The following TAFA1 variants were observed in gnomAD, a reference collection of about 807,000 sequenced individuals.
TAFA1 encodes TAFA chemokine like family member 1, also known as chemokine-like protein TAFA-1.
In TAFA1, 4 loss-of-function variants were observed where a neutral mutation model predicts 18.5. The observed-to-expected ratio is 0.22, with a 90% confidence interval of 0.11 to 0.49. The LOEUF (loss-of-function observed/expected upper bound fraction) is 0.49. TAFA1 is among the 20% of genes least tolerant of loss of function. The pLI, the probability that TAFA1 is intolerant of heterozygous loss-of-function variation, is 0.98. For synonymous variants in TAFA1, 56 were observed against 55.2 expected (o/e 1.01, Z -0.06); for missense variants, 147 against 169.0 (o/e 0.87, Z 0.72).
At chr3:68,013,154 T>C (rs1241953257) in intron 2 of TAFA1, among the ~76,000 whole-genome samples, 1 of 152,180 alleles carries the variant, frequency 6.6e-6, no homozygotes, top group Non-Finnish European at 1.5e-5. Context: ...CATACTAGGT[T>C]CTCAGAAAAT....
At chr3:68,486,421 G>A (rs752780721) in intron 3 of TAFA1, among the ~76,000 whole-genome samples, 23 of 152,178 alleles carry the variant, frequency 1.5e-4, no homozygotes, top group Non-Finnish European at 2.5e-4. Context: ...GACCTTGGTC[G>A]TTCCCATTTG....
At chr3:68,439,556 C>A (rs2071335847) in intron 3 of TAFA1, among the ~76,000 whole-genome samples, 1 of 151,066 alleles carries the variant, frequency 6.6e-6, no homozygotes, top group African/African-American at 2.4e-5. Flanking sequence ...AACTTGGAAT[C>A]CGATGTTTGA....
intron 2 of TAFA1, chr3:68,247,334 C>A (rs1390353004): frequency 6.6e-6 from 1 of 152,134 alleles, no homozygotes; most frequent in African/African-American, 2.4e-5. Flanking sequence ...AAAGCATATG[C>A]AAGAATTATT....
At chr3:68,222,775 C>T (rs188680567) in intron 2 of TAFA1, among the ~76,000 whole-genome samples, 123 of 152,060 alleles carry the variant, frequency 8.1e-4, no homozygotes, top group Middle Eastern at 3.4e-3. Flanking sequence ...CAGGTTCAAG[C>T]GATTCTCCTG....
chr3:68,445,199 A>G (rs2071454433), intron 3 of TAFA1, among the ~76,000 whole-genome samples: 1 of 152,176 alleles, frequency 6.6e-6, no homozygotes, highest in Non-Finnish European at 1.5e-5. Context: ...TAGCTGGTTT[A>G]CTGTGACATC....
intron 3 of TAFA1, among the ~76,000 whole-genome samples, chr3:68,472,178 G>A (rs1012206977): frequency 6.6e-6 from 1 of 152,140 alleles, no homozygotes; most frequent in African/African-American, 2.4e-5. Context: ...TTCAAGTATA[G>A]ATAATTGAAT....
intron 2 of TAFA1, among the ~76,000 whole-genome samples, chr3:68,139,056 C>A (rs1327499499): frequency 1.3e-5 from 2 of 152,076 alleles, no homozygotes; most frequent in Non-Finnish European, 2.9e-5. Flanking sequence ...TGTTTTTGTC[C>A]TATATTTTAG....
chr3:68,206,238 A>G (rs2066524691), intron 2 of TAFA1, among the ~76,000 whole-genome samples: 1 of 151,834 alleles, frequency 6.6e-6, no homozygotes, highest in Admixed American at 6.6e-5. Flanking sequence ...GCCGATTTGA[A>G]TTTACTTCTA....
At chr3:68,413,601 A>G (rs971052027) in intron 2 of TAFA1, among the ~76,000 whole-genome samples, 1 of 152,196 alleles carries the variant, frequency 6.6e-6, no homozygotes, top group Non-Finnish European at 1.5e-5. Flanking sequence ...CACATTTTAA[A>G]CCTTGATAAT....
At chr3:67,994,355 C>T in the TAFA1 span, among the ~76,000 whole-genome samples, 1 of 152,206 alleles carries the variant, frequency 6.6e-6, no homozygotes, top group Non-Finnish European at 1.5e-5. Flanking sequence ...TTGCCTTACA[C>T]AGGGCACTTC....
At chr3:68,128,950 T>C (rs114947665) in intron 2 of TAFA1, among the ~76,000 whole-genome samples, 1,926 of 152,330 alleles carry the variant, frequency 0.013, 23 homozygotes, top group South Asian at 0.034. Context: ...GACGTAAAAT[T>C]ACCTCAGTAG....
At chr3:68,119,427 C>T (rs2106854562) in intron 2 of TAFA1, among the ~76,000 whole-genome samples, 1 of 151,980 alleles carries the variant, frequency 6.6e-6, no homozygotes, top group South Asian at 2.1e-4. Flanking sequence ...GTTGCTTGTG[C>T]TCTTGGTGTC....
chr3:68,487,086 G>A (rs2072356831), intron 3 of TAFA1, among the ~76,000 whole-genome samples: 1 of 152,176 alleles, frequency 6.6e-6, no homozygotes, highest in Non-Finnish European at 1.5e-5. Flanking sequence ...GATGGGAAAT[G>A]TTATGATGGT....
intron 2 of TAFA1, among the ~76,000 whole-genome samples, chr3:68,114,017 G>T (rs1036712073): frequency 1.4e-5 from 2 of 147,982 alleles, no homozygotes; most frequent in Non-Finnish European, 3.0e-5. Flanking sequence ...CAATTATCAT[G>T]TCTCAGCCTC....
chr3:68,011,301 G>A (rs749921659), intron 2 of TAFA1, among the ~76,000 whole-genome samples: 12 of 152,112 alleles, frequency 7.9e-5, no homozygotes, highest in Non-Finnish European at 1.5e-4. Flanking sequence ...CTGAGTCACT[G>A]CTATTTTATC....
chr3:68,106,606 C>CA (rs2065207601), intron 2 of TAFA1, among the ~76,000 whole-genome samples: 1 of 151,914 alleles, frequency 6.6e-6, no homozygotes, highest in Admixed American at 6.6e-5. Flanking sequence ...TTTATGAATA[C>CA]AAAAATCTAT....
chr3:68,316,262 A>C (rs922394726), intron 2 of TAFA1, among the ~76,000 whole-genome samples: 10 of 152,226 alleles, frequency 6.6e-5, no homozygotes, highest in Non-Finnish European at 8.8e-5. Context: ...GGGGGTGAGG[A>C]GGAGGTTCAG....
At chr3:68,173,003 G>A (rs2066076760) in intron 2 of TAFA1, among the ~76,000 whole-genome samples, 1 of 152,104 alleles carries the variant, frequency 6.6e-6, no homozygotes, top group African/African-American at 2.4e-5. Context: ...TTTGCAACAT[G>A]AGGGTATTAT....
At chr3:68,272,590 A>T (rs183202336) in intron 2 of TAFA1, among the ~76,000 whole-genome samples, 1 of 152,164 alleles carries the variant, frequency 6.6e-6, no homozygotes, top group African/African-American at 2.4e-5. Flanking sequence ...TGGACTTTTT[A>T]AAAAGAAAGG....
Sources: gnomAD v4.1 joint callset for allele counts (sites outside exome capture counted in the v4.1 genomes callset) on GRCh38, gnomAD v4.1.1 for gene constraint, MANE v1.5 for transcripts, NCBI Gene and HGNC (gene_info 2026-07-23, HGNC 2026-07-21) for gene names.